IQGAP1: variants seen among roughly 807,000 people sequenced by gnomAD.
IQGAP1 encodes IQ motif containing GTPase activating protein 1.
IQGAP1 carries 66 observed loss-of-function variants against 215.6 expected under a neutral mutation model. The observed-to-expected ratio is 0.31, with a 90% CI of 0.25 to 0.38. The LOEUF (loss-of-function observed/expected upper bound fraction) is 0.38, where lower values mean the gene tolerates loss of function less well. Among genes scored for constraint, IQGAP1 ranks in the 10% least tolerant of loss-of-function variants. The pLI, the probability that IQGAP1 is intolerant of heterozygous loss-of-function variation, is 1.00. For missense variants in IQGAP1, 1,712 were observed against 1,997.1 expected (o/e 0.86, Z 2.72); for synonymous variants, 772 against 728.7 (o/e 1.06, Z -0.96).
chr15:90,493,494 G>A (rs965721786), intron 35 of IQGAP1, among the ~76,000 whole-genome samples: 4 of 152,146 alleles, frequency 2.6e-5, no homozygotes, highest in African/African-American at 9.7e-5. Flanking sequence ...CCAGAGAGGT[G>A]GGTGATAAGA....
chr15:90,465,387 C>A (rs1296259315), intron 15 of IQGAP1, among the ~76,000 whole-genome samples: 4 of 152,194 alleles, frequency 2.6e-5, no homozygotes, highest in African/African-American at 9.6e-5. Context: ...AGTCTCTGGA[C>A]CCCTTCCCAG....
chr15:90,485,929 CT>C (rs1966120089), intron 30 of IQGAP1, 100 bp from the exon 31 acceptor site: 1 of 831,610 alleles, frequency 1.2e-6, no homozygotes, highest in Admixed American at 2.5e-5. Context: ...AATATAGGAA[CT>C]TTGTTGGAAC....
At chr15:90,470,745 T>C (rs1159891476) in intron 18 of IQGAP1, among the ~76,000 whole-genome samples, 1 of 152,116 alleles carries the variant, frequency 6.6e-6, no homozygotes, top group Non-Finnish European at 1.5e-5. Context: ...AACTCTTATT[T>C]TAGAATTCAT....
At chr15:90,469,865 C>A (rs576943723) in intron 18 of IQGAP1, among the ~76,000 whole-genome samples, 1 of 152,056 alleles carries the variant, frequency 6.6e-6, no homozygotes, top group Non-Finnish European at 1.5e-5. Flanking sequence ...AGGACATGGA[C>A]CACTGAAGGA....
intron 3 of IQGAP1, among the ~76,000 whole-genome samples, chr15:90,428,777 A>G (rs1176880227): frequency 1.3e-5 from 2 of 152,196 alleles, no homozygotes; most frequent in African/African-American, 2.4e-5. Context: ...AGCCTGGACA[A>G]CAAAGTGGAG....
intron 2 of IQGAP1, among the ~76,000 whole-genome samples, chr15:90,407,665 T>G (rs1265530173): frequency 6.6e-6 from 1 of 152,252 alleles, no homozygotes; most frequent in Non-Finnish European, 1.5e-5. Context: ...TTTCATTTCC[T>G]GTGTTATTAA....
intron 15 of IQGAP1, among the ~76,000 whole-genome samples, chr15:90,465,017 A>G (rs957375496): frequency 1.4e-4 from 21 of 152,354 alleles, no homozygotes; most frequent in African/African-American, 4.8e-4. Context: ...TACATCATAC[A>G]TCATCTCTAT....
At chr15:90,480,111 AG>A (rs1966036065) in intron 26 of IQGAP1, among the ~76,000 whole-genome samples, 1 of 151,980 alleles carries the variant, frequency 6.6e-6, no homozygotes, top group South Asian at 2.1e-4. Flanking sequence ...AAATTGAGCC[AG>A]GCATGGTGGC....
At chr15:90,404,596 T>G (rs1420742913) in intron 2 of IQGAP1, among the ~76,000 whole-genome samples, 1 of 152,146 alleles carries the variant, frequency 6.6e-6, no homozygotes, top group African/African-American at 2.4e-5. Flanking sequence ...TCATTCCACT[T>G]TGTCCTTTAA....
At chr15:90,471,852 C>G (rs1004305138) in intron 18 of IQGAP1, among the ~76,000 whole-genome samples, 2 of 137,384 alleles carry the variant, frequency 1.5e-5, no homozygotes, top group African/African-American at 5.7e-5. Context: ...AAAAAAAAAT[C>G]GAGGCTCTGG....
chr15:90,438,102 C>T (rs1202173728), intron 5 of IQGAP1, among the ~76,000 whole-genome samples: 11 of 152,142 alleles, frequency 7.2e-5, no homozygotes, highest in South Asian at 4.2e-4. Flanking sequence ...GTACATGATG[C>T]GTGTTTGTAT....
In IQGAP1 at chr15:90,486,096, G is replaced by A; in HGVS notation, c.3988G>A (p.Asp1330Asn). The A allele has an allele frequency of 1.2e-6, 2 of 1,613,880 alleles. No homozygotes were observed. Among genetic ancestry groups the A allele is most frequent in the Non-Finnish European group, 1.7e-6 (2 of 1,179,926 alleles). The change falls in exon 31 of 38, where the codon GAC becomes AAC. Residue 1330 changes from aspartate (D) to asparagine (N), a missense_variant. This residue lies in a region of IQGAP1 where 691 missense variants were observed against 923.0 expected (regional missense o/e 0.75). Coordinates refer to ENST00000268182, the MANE Select transcript of IQGAP1 (RefSeq NM_003870.4). Reference protein sequence around the residue: ...HNDPIHELLDDLGEVPTIESL... With the variant: ...HNDPIHELLDNLGEVPTIESL... ...TGATCCAATCCACGAACTGCTGGACGACCTCGGCGAGGTGCCCACCATCGA... is the reference window on the plus strand; with the variant it reads ...TGATCCAATCCACGAACTGCTGGACAACCTCGGCGAGGTGCCCACCATCGA...
chr15:90,485,664 G>A (rs1596291147), intron 30 of IQGAP1, among the ~76,000 whole-genome samples: 2 of 151,932 alleles, frequency 1.3e-5, no homozygotes, highest in African/African-American at 4.8e-5. Context: ...GGTCTTGAAC[G>A]CCTGACCTCA....
intron 1 of IQGAP1, among the ~76,000 whole-genome samples, chr15:90,389,664 T>G (rs908053498): frequency 2.0e-5 from 3 of 151,824 alleles, no homozygotes; most frequent in African/African-American, 4.8e-5. Context: ...TGTAGAAAGT[T>G]TGACAGGTGG....
rs768885132 is a variant in IQGAP1, at chr15:90,448,613, A to G, written c.954A>G (p.Gln318=). ...CAAATATCGACCTGGCTTTAGAACA[A>G]GGAGATGCACTGGCCTTGTTCAGGG... The part of the protein sequence containing the change: ...ALANIDLALE[Q]GDALALFRAL... Residue 318 remains glutamine (Q), a synonymous_variant, in exon 10 of 38, where the codon CAA becomes CAG. Transcript: ENST00000268182. 6.2e-7 allele frequency: 1 copy of G among 1,602,214 alleles called. No individual in the cohort carries two copies. The highest frequency in any genetic ancestry group is 8.5e-7 in the Non-Finnish European group (1 of 1,175,028).
At chr15:90,389,366 A>G (rs1964601573) in intron 1 of IQGAP1, among the ~76,000 whole-genome samples, 2 of 141,436 alleles carry the variant, frequency 1.4e-5, no homozygotes, top group South Asian at 2.3e-4. Context: ...TTTTGGAGAC[A>G]GGGGGTCTTG....
intron 15 of IQGAP1, among the ~76,000 whole-genome samples, chr15:90,461,519 C>T (rs946747424): frequency 1.3e-5 from 2 of 152,166 alleles, no homozygotes; most frequent in African/African-American, 4.8e-5. Context: ...CAGGGCTCCT[C>T]AAGAACTCAT....
At chr15:90,411,097 A>G (rs959123591) in intron 2 of IQGAP1, among the ~76,000 whole-genome samples, 2 of 152,246 alleles carry the variant, frequency 1.3e-5, no homozygotes, top group South Asian at 4.1e-4. Flanking sequence ...TGTAAAAAAT[A>G]TATTGCCTAT....
intron 9 of IQGAP1, 49 bp from the exon 10 acceptor site, chr15:90,448,524 C>T: frequency 1.3e-6 from 2 of 1,485,822 alleles, no homozygotes; most frequent in Middle Eastern, 3.6e-4. Flanking sequence ...CTATTCTAGG[C>T]TCTTCTGTTA....
Sources: gnomAD v4.1 joint callset for allele counts (sites outside exome capture counted in the v4.1 genomes callset) on GRCh38, gnomAD v4.1.1 for gene constraint, gnomAD v4.1.1 regional missense constraint, MANE v1.5 for transcripts, NCBI Gene and HGNC (gene_info 2026-07-23, HGNC 2026-07-21) for gene names.